The following DTNBP1 variants were observed in gnomAD, a reference collection of about 807,000 sequenced individuals.
DTNBP1 encodes dysbindin.
DTNBP1 carries 35 observed loss-of-function variants against 42.8 expected under a neutral mutation model. The ratio of observed to expected loss-of-function variants is 0.82; its 90% CI spans 0.63 to 1.09. DTNBP1 has a LOEUF of 1.09. DTNBP1 is among the 50% of genes least tolerant of loss of function. The probability of loss-of-function intolerance (pLI) is 0.00; values close to 1 mark genes in which losing one functional copy is unlikely to be tolerated. For synonymous variants in DTNBP1, 171 were observed against 162.2 expected (o/e 1.05, Z -0.41); for missense variants, 457 against 424.2 (o/e 1.08, Z -0.68).
chr6:15,593,226 T>C (rs755911457), intron 6 of DTNBP1, 145 bp from the exon 7 acceptor site: 3 of 753,452 alleles, frequency 4.0e-6, no homozygotes, highest in Non-Finnish European at 4.3e-6. Flanking sequence ...TATACTTTAC[T>C]GAAATGACCA....
intron 7 of DTNBP1, among the ~76,000 whole-genome samples, chr6:15,537,070 T>A (rs1307315697): frequency 2.0e-5 from 3 of 152,236 alleles, no homozygotes; most frequent in Non-Finnish European, 4.4e-5. Context: ...TGCTTTTGAC[T>A]TTATGGGCTC....
chr6:15,618,345 T>C (rs1225762420), intron 5 of DTNBP1, among the ~76,000 whole-genome samples: 2 of 151,838 alleles, frequency 1.3e-5, no homozygotes, highest in Non-Finnish European at 2.9e-5. Context: ...TATTGCCACA[T>C]GGAAATAACA....
chr6:15,585,801 G>A (rs1776057616), intron 7 of DTNBP1: 2 of 1,515,704 alleles, frequency 1.3e-6, no homozygotes, highest in Non-Finnish European at 1.8e-6. Flanking sequence ...GCTCAGTGCT[G>A]GTCAAGTGAA....
rs76687453 is a variant in DTNBP1 at position 15,612,413 on chromosome 6, C to G, written c.488+2854G>C. 1.9e-3 allele frequency among the ~76,000 whole-genome samples: 294 copies of G among 152,170 alleles called. 4 individuals are homozygous for G. In the Middle Eastern group the frequency reaches 0.024, roughly 12 times the overall value. On this transcript the variant is annotated intron_variant, in intron 6 of 9. Coordinates refer to ENST00000344537, the MANE Select transcript of DTNBP1 (RefSeq NM_032122.5). ...AGAATGCAGTGGACTGGAACAGAATCCACAATATCTTTGAGGTATTGCTAT... is the reference window on the plus strand; with the variant it reads ...AGAATGCAGTGGACTGGAACAGAATGCACAATATCTTTGAGGTATTGCTAT...
chr6:15,600,251 G>A (rs1372783873), intron 6 of DTNBP1, among the ~76,000 whole-genome samples: 4 of 152,104 alleles, frequency 2.6e-5, no homozygotes, highest in South Asian at 2.1e-4. Flanking sequence ...AAAGATATGA[G>A]GAGACTTTGA....
At chr6:15,663,050 C>CCG (rs1232126947), upstream of DTNBP1, 2 of 778,238 alleles carry the variant, frequency 2.6e-6, no homozygotes, top group Non-Finnish European at 3.7e-6. Context: ...CGTTCCCGCC[C>CCG]CGCGCGCGCC....
chr6:15,550,229 C>T (rs566469989), intron 7 of DTNBP1, among the ~76,000 whole-genome samples: 1 of 152,308 alleles, frequency 6.6e-6, no homozygotes, highest in South Asian at 2.1e-4. Flanking sequence ...TCCACTCATA[C>T]TGCCTTGATT....
chr6:15,604,413 C>T (rs1047412094), intron 6 of DTNBP1, among the ~76,000 whole-genome samples: 14 of 152,132 alleles, frequency 9.2e-5, no homozygotes, highest in African/African-American at 3.4e-4. Context: ...AAGGTGCTCT[C>T]GATCTTCTCT....
In DTNBP1 at chr6:15,587,737, C is replaced by T. The variant is rs1297841321; in HGVS notation, c.511+5322G>A. ...GGTCTGCCAAAAAATGGTTCTGAGA[C>T]AACTGAATATCGATACGTAAAAAAA... On this transcript the variant is annotated intron_variant, in intron 7 of 9. Transcript: ENST00000344537. The surrounding 1 kb of genome is among the most constrained non-coding windows in gnomAD (Gnocchi z 4.1). Among the ~76,000 whole-genome samples, 1 of 152,148 alleles carries T rather than the reference C, an allele frequency of 6.6e-6. No individual in the cohort carries two copies. Among genetic ancestry groups the T allele is most frequent in the Non-Finnish European group, 1.5e-5 (1 of 68,028 alleles).
intron 7 of DTNBP1, among the ~76,000 whole-genome samples, chr6:15,538,999 C>T (rs1367448651): frequency 6.6e-6 from 1 of 152,196 alleles, no homozygotes; most frequent in Non-Finnish European, 1.5e-5. Flanking sequence ...CTGCCCATCC[C>T]CACATTCCCA....
intron 1 of DTNBP1, among the ~76,000 whole-genome samples, chr6:15,653,987 C>T (rs981458084): frequency 2.6e-5 from 4 of 152,158 alleles, no homozygotes; most frequent in South Asian, 2.1e-4. Context: ...CTGTCTATAA[C>T]GTCTGATTAA....
At chr6:15,573,254 C>CTT (rs1229266527) in intron 7 of DTNBP1, among the ~76,000 whole-genome samples, 14 of 152,032 alleles carry the variant, frequency 9.2e-5, no homozygotes, top group Non-Finnish European at 2.1e-4. Flanking sequence ...TCTTTTACAT[C>CTT]TTTATCACCA....
intron 7 of DTNBP1, among the ~76,000 whole-genome samples, chr6:15,569,070 G>A (rs1775222168): frequency 6.6e-6 from 1 of 152,260 alleles, no homozygotes; most frequent in South Asian, 2.1e-4. Flanking sequence ...GTTCTGGGCA[G>A]AAATATAGTT....
At chr6:15,639,375 T>A (rs1760210044) in intron 3 of DTNBP1, among the ~76,000 whole-genome samples, 1 of 152,220 alleles carries the variant, frequency 6.6e-6, no homozygotes, top group South Asian at 2.1e-4. Flanking sequence ...AAAACCTGAT[T>A]TCCCAATCTA....
intron 4 of DTNBP1, among the ~76,000 whole-genome samples, chr6:15,634,064 A>C (rs1759853439): frequency 6.6e-6 from 1 of 152,186 alleles, no homozygotes; most frequent in Non-Finnish European, 1.5e-5. Flanking sequence ...AGGTATGCCC[A>C]TACATTCAAT....
intron 1 of DTNBP1, 63 bp downstream of exon 1, chr6:15,662,751 G>C: frequency 6.2e-7 from 1 of 1,601,516 alleles, no homozygotes; most frequent in Non-Finnish European, 8.5e-7. Flanking sequence ...GAGCGAGGCA[G>C]GGGCATCCCA....
intron 1 of DTNBP1, among the ~76,000 whole-genome samples, chr6:15,662,422 T>C (rs963579672): frequency 6.6e-6 from 1 of 152,202 alleles, no homozygotes; most frequent in African/African-American, 2.4e-5. Context: ...AGCAGGTGTC[T>C]GCTGGGCCGA....
chr6:15,567,577 T>G (rs1282395979), intron 7 of DTNBP1, among the ~76,000 whole-genome samples: 1 of 152,164 alleles, frequency 6.6e-6, no homozygotes, highest in African/African-American at 2.4e-5. Context: ...AACCAGAAAA[T>G]CGTACAATTC....
At chr6:15,579,618 A>G (rs1407896764) in intron 7 of DTNBP1, among the ~76,000 whole-genome samples, 1 of 152,338 alleles carries the variant, frequency 6.6e-6, no homozygotes, top group East Asian at 1.9e-4. Context: ...CAGCCTGGCC[A>G]ACATGGTGAA....
Sources: gnomAD v4.1 joint callset for allele counts (sites outside exome capture counted in the v4.1 genomes callset) on GRCh38, gnomAD v4.1.1 for gene constraint, Gnocchi (gnomAD v3.1) non-coding constraint, MANE v1.5 for transcripts, NCBI Gene and HGNC (gene_info 2026-07-23, HGNC 2026-07-21) for gene names.